The following TBCD variants were observed in gnomAD, a reference collection of about 807,000 sequenced individuals.
TBCD encodes the protein tubulin-specific chaperone D.
Under a neutral mutation model 169.3 loss-of-function variants are expected in TBCD, and 105 were observed. The ratio of observed to expected loss-of-function variants is 0.62; its 90% CI spans 0.53 to 0.73. The LOEUF is 0.73. Among genes scored for constraint, TBCD ranks in the 30% least tolerant of loss-of-function variants. The pLI is 0.00. For synonymous variants in TBCD, 700 were observed against 643.9 expected (o/e 1.09, Z -1.32); for missense variants, 1,444 against 1,600.1 (o/e 0.90, Z 1.66).
At chr17:82,919,682 G>C (rs893629894) in intron 23 of TBCD, among the ~76,000 whole-genome samples, 1 of 152,090 alleles carries the variant, frequency 6.6e-6, no homozygotes, top group Admixed American at 6.6e-5. Flanking sequence ...GGCTGCGGTT[G>C]GCACTGAAGA....
Position 82,905,060 on chromosome 17 carries a change from G to A in TBCD, c.1805-876G>A, listed in dbSNP as rs139012019. ...GGCTCGGGGAGCTTGGTTTCCCCAC[G>A]CAGGTGTGGCAGAGCCGCCTCCCTC... On this transcript the variant is annotated intron_variant, in intron 19 of 38. Coordinates refer to ENST00000355528, the MANE Select transcript of TBCD (RefSeq NM_005993.5). Among the ~76,000 whole-genome samples the A allele has an allele frequency of 1.5e-4, 23 of 152,296 alleles. No homozygotes were observed. In the East Asian group the frequency reaches 4.1e-3, roughly 27 times the overall value.
At position 82,831,022 on chromosome 17, in the gene TBCD, A is replaced by T. The variant is rs1274947731; in HGVS notation, c.1318+16088A>T. ...TTTGAAAATGACATTTTCTTACCTT[A>T]CTGGAGACTCTGCTGTGGTCTCAGC... is the stretch of plus-strand genomic sequence containing the variant. On this transcript the variant is annotated intron_variant, in intron 13 of 38. Coordinates refer to ENST00000355528, the MANE Select transcript of TBCD (RefSeq NM_005993.5). This position sits in a 1 kb window ranked among gnomAD's most constrained non-coding sequence, Gnocchi z 4.6. 6.2e-7 allele frequency: 1 copy of T among 1,614,132 alleles called. No individual in the cohort carries two copies. Among genetic ancestry groups the T allele is most frequent in the East Asian group, 2.2e-5 (1 of 44,880 alleles).
rs1158180449 is a variant in TBCD, at chr17:82,930,132, G to A, written c.2992-390G>A. 1.4e-5 allele frequency: 4 copies of A among 281,670 alleles called. No individual in the cohort carries two copies. Among genetic ancestry groups the A allele is most frequent in the African/African-American group, 4.5e-5 (2 of 44,940 alleles). 17.4% of individuals were successfully genotyped at this position (281,670 alleles called of 1,614,324 possible). On this transcript the variant is annotated intron_variant, in intron 32 of 38. Coordinates refer to ENST00000355528, the MANE Select transcript of TBCD (RefSeq NM_005993.5). This position sits in a 1 kb window ranked among gnomAD's most constrained non-coding sequence, Gnocchi z 5.2. Reference sequence around the variant, plus strand: ...GAGGTGCCCTCTGCGCCGTGCGGGCGCGTGCGGGGAGACCCGGGCCACATG... The same window carrying A: ...GAGGTGCCCTCTGCGCCGTGCGGGCACGTGCGGGGAGACCCGGGCCACATG...
intron 13 of TBCD, among the ~76,000 whole-genome samples, chr17:82,855,842 C>T (rs577508331): frequency 4.8e-4 from 73 of 152,250 alleles, no homozygotes; most frequent in African/African-American, 1.7e-3. Flanking sequence ...TTTTCTGCCT[C>T]TACGTTTACT....
At chr17:82,894,232 T>A (rs1278407421) in intron 17 of TBCD, among the ~76,000 whole-genome samples, 1 of 145,872 alleles carries the variant, frequency 6.9e-6, no homozygotes, top group Non-Finnish European at 1.5e-5. Context: ...TCAAACTGTT[T>A]TAGTTGTGTA....
intron 7 of TBCD, among the ~76,000 whole-genome samples, chr17:82,793,651 A>G (rs896295098): frequency 1.3e-5 from 2 of 152,196 alleles, no homozygotes; most frequent in Non-Finnish European, 2.9e-5. Flanking sequence ...GCTGCAGCAC[A>G]GGCACGGACC....
At chr17:82,859,292 C>T (rs1381054898) in intron 13 of TBCD, among the ~76,000 whole-genome samples, 1 of 148,762 alleles carries the variant, frequency 6.7e-6, no homozygotes, top group Non-Finnish European at 1.5e-5. Context: ...CACTGGCTTT[C>T]AGAGAAAGGG....
intron 13 of TBCD, among the ~76,000 whole-genome samples, chr17:82,844,379 G>A (rs1319898266): frequency 1.3e-5 from 2 of 152,062 alleles, no homozygotes; most frequent in African/African-American, 2.4e-5. Context: ...TCGTCAGTGT[G>A]GCTGCCTGCC....
At chr17:82,867,624 G>C (rs4986122) in intron 13 of TBCD, among the ~76,000 whole-genome samples, 2 of 152,024 alleles carry the variant, frequency 1.3e-5, no homozygotes, top group Admixed American at 6.5e-5. Flanking sequence ...CCTTTTGGGC[G>C]TCACAGATTT....
chr17:82,870,982 T>A (rs2057516234), intron 14 of TBCD, among the ~76,000 whole-genome samples: 1 of 152,246 alleles, frequency 6.6e-6, no homozygotes, highest in Admixed American at 6.5e-5. Flanking sequence ...TGATGTCAGC[T>A]CCTCTGAGAT....
intron 9 of TBCD, among the ~76,000 whole-genome samples, chr17:82,803,530 C>G (rs1417159050): frequency 6.6e-6 from 1 of 152,190 alleles, no homozygotes; most frequent in Non-Finnish European, 1.5e-5. Flanking sequence ...ACATCCTCTC[C>G]CCCACATATG....
rs1036867990 is a variant in TBCD, at chr17:82,923,458, C to T, written c.2179-194C>T. Among the ~76,000 whole-genome samples the T allele has an allele frequency of 8.6e-5, 13 of 151,688 alleles. No homozygotes were observed. Among genetic ancestry groups the T allele is most frequent in the African/African-American group, 2.9e-4 (12 of 41,274 alleles). ...TGACCTCAAGGGTGACCTGCTGTGT[C>T]CTTGGCCGGGTGCTTCTCCAACCTC... On this transcript the variant is annotated intron_variant, in intron 25 of 38. Coordinates refer to ENST00000355528, the MANE Select transcript of TBCD (RefSeq NM_005993.5). This position sits in a 1 kb window ranked among gnomAD's most constrained non-coding sequence, Gnocchi z 4.6.
chr17:82,881,488 A>G (rs1044208625), intron 14 of TBCD, among the ~76,000 whole-genome samples: 1 of 152,152 alleles, frequency 6.6e-6, no homozygotes, highest in South Asian at 2.1e-4. Context: ...CACTCCTGAC[A>G]GCCCCGCACC....
intron 17 of TBCD, among the ~76,000 whole-genome samples, chr17:82,898,733 C>T (rs1457970501): frequency 1.3e-5 from 2 of 152,152 alleles, no homozygotes; most frequent in Admixed American, 1.3e-4. Context: ...TCTTCTGTGG[C>T]TCTGGGTTTC....
intron 13 of TBCD, among the ~76,000 whole-genome samples, chr17:82,854,122 A>G (rs2056052302): frequency 1.3e-5 from 2 of 152,150 alleles, no homozygotes; most frequent in Non-Finnish European, 2.9e-5. Flanking sequence ...CATCTGACAT[A>G]TTTGACATTG....
chr17:82,908,328 C>T (rs1419090513), intron 21 of TBCD: 1 of 456,822 alleles, frequency 2.2e-6, no homozygotes, highest in Non-Finnish European at 4.4e-6. Context: ...CTGATGTCTC[C>T]TGAAAGTAAA....
chr17:82,764,148 A>C, intron 3 of TBCD, 86 bp downstream of exon 3: 1 of 1,058,362 alleles, frequency 9.4e-7, no homozygotes, highest in Non-Finnish European at 1.4e-6. Context: ...GTTATTTCTC[A>C]AGAAAGATAG....
chr17:82,759,664 G>C (rs1246113168), intron 2 of TBCD, among the ~76,000 whole-genome samples: 1 of 152,106 alleles, frequency 6.6e-6, no homozygotes, highest in East Asian at 1.9e-4. Flanking sequence ...CAAACTATCA[G>C]TTTCTTTGTG....
intron 4 of TBCD, 133 bp from the exon 5 acceptor site, chr17:82,768,287 C>T: frequency 9.0e-7 from 1 of 1,108,220 alleles, no homozygotes. Context: ...ATTTCTGGCC[C>T]TGAGGGTGAT....
Sources: gnomAD v4.1 joint callset for allele counts (sites outside exome capture counted in the v4.1 genomes callset) on GRCh38, gnomAD v4.1.1 for gene constraint, Gnocchi (gnomAD v3.1) non-coding constraint, MANE v1.5 for transcripts, NCBI Gene and HGNC (gene_info 2026-07-23, HGNC 2026-07-21) for gene names.